The following SND1 variants were observed in gnomAD, a reference collection of about 807,000 sequenced individuals.
SND1 encodes the protein staphylococcal nuclease domain-containing protein 1.
A neutral mutation model predicts 121.7 loss-of-function variants in SND1; 38 were observed. The observed-to-expected ratio is 0.31, with a 90% CI of 0.24 to 0.41. SND1 has a LOEUF of 0.41. Among genes scored for constraint, SND1 ranks in the 10% least tolerant of loss-of-function variants. SND1 has a pLI of 1.00. For missense variants in SND1, 868 were observed against 1,184.6 expected (o/e 0.73, Z 3.92); for synonymous variants, 401 against 447.4 (o/e 0.90, Z 1.31).
At chr7:127,765,810 A>G (rs1372981254) in intron 10 of SND1, among the ~76,000 whole-genome samples, 1 of 152,232 alleles carries the variant, frequency 6.6e-6, no homozygotes, top group African/African-American at 2.4e-5. Context: ...ATAGGTTTGC[A>G]GCACTCCCAC....
At chr7:127,864,500 A>G (rs1432479184) in intron 12 of SND1, among the ~76,000 whole-genome samples, 3 of 151,946 alleles carry the variant, frequency 2.0e-5, no homozygotes, top group African/African-American at 4.8e-5. Flanking sequence ...ATTTTGTTCA[A>G]TGCTACCTAA....
intron 12 of SND1, among the ~76,000 whole-genome samples, chr7:127,878,666 T>A (rs534799729): frequency 2.6e-5 from 4 of 152,142 alleles, no homozygotes; most frequent in Non-Finnish European, 4.4e-5. Flanking sequence ...GATCCTCTGG[T>A]GGTTTTCTTG....
At chr7:127,874,335 A>G (rs990332346) in intron 12 of SND1, among the ~76,000 whole-genome samples, 1 of 152,192 alleles carries the variant, frequency 6.6e-6, no homozygotes, top group African/African-American at 2.4e-5. Context: ...TTAACATGTG[A>G]AAGTTGACTT....
At chr7:127,796,466 G>A (rs572248024) in intron 10 of SND1, among the ~76,000 whole-genome samples, 133 of 152,206 alleles carry the variant, frequency 8.7e-4, no homozygotes, top group Non-Finnish European at 1.4e-3. Flanking sequence ...ACTATGCTGG[G>A]CACTTTCTAG....
chr7:127,665,460 T>A (rs1239885330), intron 1 of SND1, among the ~76,000 whole-genome samples: 1 of 152,212 alleles, frequency 6.6e-6, no homozygotes, highest in African/African-American at 2.4e-5. Context: ...GTGCTGGGAT[T>A]ACAGGCGTGA....
At chr7:127,857,318 G>T (rs1230262141) in intron 12 of SND1, among the ~76,000 whole-genome samples, 3 of 141,488 alleles carry the variant, frequency 2.1e-5, no homozygotes, top group African/African-American at 7.8e-5. Context: ...TCAACCTCCC[G>T]AGCAGCTGGG....
chr7:128,028,864 C>A, intron 16 of SND1: 1 of 1,614,208 alleles, frequency 6.2e-7, no homozygotes, highest in Non-Finnish European at 8.5e-7. Context: ...ACTGCCCCCT[C>A]ACCTGATACA....
chr7:127,923,150 G>T (rs899944317), intron 14 of SND1, among the ~76,000 whole-genome samples: 3 of 152,066 alleles, frequency 2.0e-5, no homozygotes, highest in African/African-American at 7.2e-5. Context: ...CACCATGCTT[G>T]GCTAATTTTT....
chr7:127,669,457 G>A (rs1015316471), intron 1 of SND1, among the ~76,000 whole-genome samples: 1 of 152,158 alleles, frequency 6.6e-6, no homozygotes, highest in East Asian at 1.9e-4. Context: ...TGACCACTTT[G>A]GAGAATCTCT....
intron 10 of SND1, among the ~76,000 whole-genome samples, chr7:127,760,702 G>C (rs895587683): frequency 6.6e-6 from 1 of 152,158 alleles, no homozygotes; most frequent in Non-Finnish European, 1.5e-5. Context: ...CAACATTAAG[G>C]GAAGAGCCTC....
intron 15 of SND1, among the ~76,000 whole-genome samples, chr7:127,932,989 A>G (rs914633284): frequency 3.3e-5 from 5 of 152,198 alleles, no homozygotes; most frequent in African/African-American, 1.2e-4. Flanking sequence ...GCTCTGTAGC[A>G]TCTCATCTTC....
intron 12 of SND1, among the ~76,000 whole-genome samples, chr7:127,885,719 A>G (rs1360173625): frequency 6.6e-6 from 1 of 152,108 alleles, no homozygotes; most frequent in Non-Finnish European, 1.5e-5. Flanking sequence ...TTTATATATC[A>G]AAGCTTGTTT....
chr7:127,844,907 G>A (rs1378260956), intron 12 of SND1, among the ~76,000 whole-genome samples: 1 of 152,142 alleles, frequency 6.6e-6, no homozygotes, highest in Non-Finnish European at 1.5e-5. Flanking sequence ...AGGTCTGTTG[G>A]CAGCCAGGCT....
intron 14 of SND1, among the ~76,000 whole-genome samples, chr7:127,922,179 T>TTTTTTTG: frequency 1.5e-5 from 1 of 68,168 alleles, no homozygotes; most frequent in Non-Finnish European, 3.0e-5. Flanking sequence ...TCTTTCCTTT[T>TTTTTTTG]TTTTTTTTTT....
rs554211041 is a variant in SND1, at chr7:128,079,802, A to G, written c.1969-1558A>G. Among the ~76,000 whole-genome samples, 6 of 152,292 alleles carry G rather than the reference A, an allele frequency of 3.9e-5. No individual in the cohort carries two copies. The East Asian group carries it at 1.2e-3, about 29-fold the overall frequency. ...AAGGGGACCCAGAAAAGTTTGACCA[A>G]TGTCAAATGGCAAGTTCAAAAACAA... On this transcript the variant is annotated intron_variant, in intron 17 of 23. Coordinates refer to ENST00000354725, the MANE Select transcript of SND1 (RefSeq NM_014390.4).
At chr7:128,032,129 G>C (rs961685429) in intron 16 of SND1, 2 of 151,908 alleles carry the variant, frequency 1.3e-5, no homozygotes, top group African/African-American at 2.4e-5. Context: ...ATACTGTTCT[G>C]GGAGAAGATT....
chr7:127,836,344 G>T (rs1289966909), intron 11 of SND1, among the ~76,000 whole-genome samples: 1 of 152,168 alleles, frequency 6.6e-6, no homozygotes, highest in African/African-American at 2.4e-5. Flanking sequence ...TTTGGGGGTA[G>T]GATGGTGATT....
At chr7:127,905,206 A>G (rs1220540813) in intron 14 of SND1, among the ~76,000 whole-genome samples, 1 of 152,118 alleles carries the variant, frequency 6.6e-6, no homozygotes, top group Admixed American at 6.6e-5. Flanking sequence ...ATTTCAGGAG[A>G]AGTATATGAA....
intron 2 of SND1, among the ~76,000 whole-genome samples, chr7:127,689,444 C>G (rs1795874497): frequency 6.6e-6 from 1 of 152,160 alleles, no homozygotes; most frequent in Non-Finnish European, 1.5e-5. Flanking sequence ...ACTAGTGTAG[C>G]CTCTAAGAAA....
Sources: allele counts gnomAD v4.1 joint callset (sites outside exome capture counted in the v4.1 genomes callset), GRCh38; gene constraint gnomAD v4.1.1; transcripts MANE v1.5; gene names NCBI Gene and HGNC (gene_info 2026-07-23, HGNC 2026-07-21).